The following BMPR2 variants were observed in gnomAD, a reference collection of about 807,000 sequenced individuals.
BMPR2 encodes the protein bone morphogenetic protein receptor type-2.
Under a neutral mutation model 100.8 loss-of-function variants are expected in BMPR2, and 29 were observed. That is an observed-to-expected ratio of 0.29 (90% CI 0.21 to 0.39). BMPR2 has a LOEUF of 0.39. BMPR2 is among the 10% of genes least tolerant of loss of function. The pLI, the probability that BMPR2 is intolerant of heterozygous loss-of-function variation, is 1.00. For synonymous variants in BMPR2, 382 were observed against 442.3 expected, an observed-to-expected ratio of 0.86 and a Z score of 1.71; for missense variants, 1,011 against 1,274.5, an observed-to-expected ratio of 0.79 and a Z score of 3.15.
At chr2:202,477,869 T>C (rs1226417897) in intron 3 of BMPR2, among the ~76,000 whole-genome samples, 2 of 152,156 alleles carry the variant, frequency 1.3e-5, no homozygotes, top group African/African-American at 4.8e-5. Context: ...TTCCTCCAAT[T>C]GTATATTTGT....
chr2:202,491,193 A>G (rs991046296), intron 3 of BMPR2, among the ~76,000 whole-genome samples: 1 of 152,064 alleles, frequency 6.6e-6, no homozygotes, highest in Non-Finnish European at 1.5e-5. Context: ...AGTAGCTGGG[A>G]CTACACAGAT....
intron 12 of BMPR2, among the ~76,000 whole-genome samples, chr2:202,558,179 T>G (rs1206428933): frequency 6.6e-6 from 1 of 152,114 alleles, no homozygotes; most frequent in Admixed American, 6.5e-5. Flanking sequence ...CTTAGTTTGG[T>G]GTGGTGGTCT....
chr2:202,508,106 TTATTA>T lies in BMPR2; in HGVS notation c.419-5611_419-5607del, dbSNP rs1553507627. On this transcript the variant is annotated intron_variant, in intron 3 of 12. Transcript: ENST00000374580. ...ATTATTATTATTATTATTATTATTATTATTATTTTTGAGTCTCAGTCTGTCACCCA... is the reference window on the plus strand; with the variant it reads ...ATTATTATTATTATTATTATTATTATTTTTTGAGTCTCAGTCTGTCACCCA... 4.7e-5 allele frequency among the ~76,000 whole-genome samples: 7 copies of T among 149,228 alleles called. No homozygotes were observed. In the South Asian group the frequency reaches 6.3e-4, roughly 14 times the overall value.
At chr2:202,440,922 A>G (rs1004407570) in intron 1 of BMPR2, among the ~76,000 whole-genome samples, 4 of 150,652 alleles carry the variant, frequency 2.7e-5, no homozygotes, top group Admixed American at 6.6e-5. Flanking sequence ...TTATTAAGAC[A>G]TTAAATACAC....
chr2:202,519,124 G>A, intron 6 of BMPR2, 72 bp downstream of exon 6: 1 of 1,479,824 alleles, frequency 6.8e-7, no homozygotes, highest in South Asian at 1.1e-5. Flanking sequence ...CACTTTTGGA[G>A]GCTAAGGCAG....
chr2:202,437,295 C>T (rs1320645209), intron 1 of BMPR2, among the ~76,000 whole-genome samples: 3 of 150,644 alleles, frequency 2.0e-5, no homozygotes, highest in Non-Finnish European at 4.4e-5. Flanking sequence ...TGAGCCACTG[C>T]GCCCAGCCAA....
intron 7 of BMPR2, among the ~76,000 whole-genome samples, chr2:202,527,649 C>T (rs1370999692): frequency 3.4e-4 from 48 of 139,386 alleles, no homozygotes; most frequent in East Asian, 2.0e-3. Context: ...TAGCCGGGCG[C>T]GGTGGCGGGC....
chr2:202,435,228 G>T (rs1369750815), intron 1 of BMPR2, among the ~76,000 whole-genome samples: 1 of 146,942 alleles, frequency 6.8e-6, no homozygotes, highest in African/African-American at 2.6e-5. Context: ...GCCAGGTGTG[G>T]TTGTGGGCAT....
chr2:202,420,842 C>T (rs187839774), intron 1 of BMPR2, among the ~76,000 whole-genome samples: 11 of 152,000 alleles, frequency 7.2e-5, no homozygotes, highest in Non-Finnish European at 1.0e-4. Context: ...CCACCACGCC[C>T]AGCCAGGATG....
intron 1 of BMPR2, among the ~76,000 whole-genome samples, chr2:202,446,816 T>A (rs1433403756): frequency 2.0e-5 from 3 of 149,358 alleles, no homozygotes; most frequent in Non-Finnish European, 2.9e-5. Context: ...CACGCCCTGC[T>A]AATTTGTGTA....
intron 1 of BMPR2, among the ~76,000 whole-genome samples, chr2:202,386,278 G>A (rs967156703): frequency 1.3e-5 from 2 of 152,084 alleles, no homozygotes; most frequent in Non-Finnish European, 2.9e-5. Flanking sequence ...CTGTGTATCT[G>A]TCGTATCTAC....
chr2:202,455,434 A>T (rs930439482), intron 1 of BMPR2, among the ~76,000 whole-genome samples: 1 of 152,196 alleles, frequency 6.6e-6, no homozygotes, highest in Non-Finnish European at 1.5e-5. Flanking sequence ...GTATTAGACA[A>T]TGTAGATTAT....
chr2:202,524,652 A>T (rs1687875619), intron 7 of BMPR2, among the ~76,000 whole-genome samples: 1 of 151,738 alleles, frequency 6.6e-6, no homozygotes. Flanking sequence ...GTAAGGTGAG[A>T]AGATTGTTTG....
chr2:202,412,952 T>A (rs1691043901), intron 1 of BMPR2, among the ~76,000 whole-genome samples: 1 of 152,174 alleles, frequency 6.6e-6, no homozygotes, highest in Non-Finnish European at 1.5e-5. Context: ...ATGCTGTTGA[T>A]TCTCATTGTT....
chr2:202,403,860 C>T (rs926141560), intron 1 of BMPR2, among the ~76,000 whole-genome samples: 75 of 152,114 alleles, frequency 4.9e-4, no homozygotes, highest in African/African-American at 1.5e-3. Flanking sequence ...ACAAAAGTAG[C>T]TGGGTGTGGT....
intron 1 of BMPR2, among the ~76,000 whole-genome samples, chr2:202,409,057 A>G (rs1690956823): frequency 1.3e-5 from 2 of 152,244 alleles, no homozygotes; most frequent in South Asian, 4.1e-4. Context: ...CAAAACAGGT[A>G]TATGAGTCTG....
chr2:202,476,906 T>G (rs1692562828), intron 3 of BMPR2, among the ~76,000 whole-genome samples: 1 of 151,784 alleles, frequency 6.6e-6, no homozygotes, highest in African/African-American at 2.4e-5. Context: ...AAACAACACA[T>G]TTTGTATTAG....
chr2:202,451,387 A>G (rs1350142474), intron 1 of BMPR2, among the ~76,000 whole-genome samples: 1 of 152,202 alleles, frequency 6.6e-6, no homozygotes, highest in African/African-American at 2.4e-5. Flanking sequence ...TTGAGGTATA[A>G]ACTGCATCTA....
chr2:202,412,850 G>A (rs1410119579), intron 1 of BMPR2, among the ~76,000 whole-genome samples: 2 of 152,090 alleles, frequency 1.3e-5, no homozygotes, highest in Non-Finnish European at 2.9e-5. Flanking sequence ...TTCACTGATA[G>A]TTGTAAGAAT....
Sources: gnomAD v4.1 joint callset for allele counts (sites outside exome capture counted in the v4.1 genomes callset) on GRCh38, gnomAD v4.1.1 for gene constraint, MANE v1.5 for transcripts, NCBI Gene and HGNC (gene_info 2026-07-23, HGNC 2026-07-21) for gene names.